Variants in USP24 observed in about 807,000 individuals in gnomAD.
USP24 encodes ubiquitin carboxyl-terminal hydrolase 24.
USP24 carries 97 observed loss-of-function variants against 361.6 expected under a neutral mutation model. That is an observed-to-expected ratio of 0.27 (90% CI 0.23 to 0.32). The LOEUF is 0.32. Among genes scored for constraint, USP24 ranks in the 10% least tolerant of loss-of-function variants. The pLI is 1.00. For synonymous variants in USP24, 1,098 were observed against 1,124.6 expected (o/e 0.98, Z 0.47); for missense variants, 2,353 against 3,165.6 (o/e 0.74, Z 6.16).
In USP24 at chr1:55,125,563, G is replaced by T; in HGVS notation, c.3732-15C>A. ...CAAGTAAAAATCTTAAAAAGAAACA[G>T]CTAGACTTATTCTGAGTCCATTCAT... On this transcript the variant is annotated splice_polypyrimidine_tract_variant and intron_variant, in intron 33 of 67. Coordinates refer to ENST00000294383, the MANE Select transcript of USP24 (RefSeq NM_015306.3). The T allele has an allele frequency of 1.9e-6, 3 of 1,605,402 alleles. No individual in the cohort carries two copies. The highest frequency in any genetic ancestry group is 2.6e-6 in the Non-Finnish European group (3 of 1,174,778).
chr1:55,155,853 G>A (rs1647597883), intron 12 of USP24, among the ~76,000 whole-genome samples: 1 of 152,104 alleles, frequency 6.6e-6, no homozygotes, highest in African/African-American at 2.4e-5. Flanking sequence ...GCACCTCTTT[G>A]ACAGTTCCAG....
At chr1:55,126,600 C>T (rs1646436597) in intron 32 of USP24, among the ~76,000 whole-genome samples, 1 of 152,178 alleles carries the variant, frequency 6.6e-6, no homozygotes, top group South Asian at 2.1e-4. Flanking sequence ...GCCAAATGTT[C>T]AATGTCTTTA....
At chr1:55,142,378 C>T (rs1421344883) in intron 23 of USP24, among the ~76,000 whole-genome samples, 1 of 149,518 alleles carries the variant, frequency 6.7e-6, no homozygotes, top group African/African-American at 2.5e-5. Flanking sequence ...TGAAGAAAAA[C>T]AAAAAAAGAA....
At chr1:55,207,683 T>C (rs983609893) in intron 1 of USP24, among the ~76,000 whole-genome samples, 1 of 152,204 alleles carries the variant, frequency 6.6e-6, no homozygotes, top group African/African-American at 2.4e-5. Context: ...ATGGAAACAC[T>C]AGGGACTTGA....
At chr1:55,105,238 A>C (rs1384484440) in intron 41 of USP24, among the ~76,000 whole-genome samples, 1 of 152,210 alleles carries the variant, frequency 6.6e-6, no homozygotes, top group African/African-American at 2.4e-5. Context: ...CCTAGCACCA[A>C]ATCTTCCAAA....
chr1:55,214,719 CG>C, intron 1 of USP24, 70 bp downstream of exon 1: 1 of 1,107,028 alleles, frequency 9.0e-7, no homozygotes, highest in Non-Finnish European at 1.1e-6. Context: ...CCAAGCCCAG[CG>C]GGGTGTGTCC....
At chr1:55,096,859 A>G (rs1005730851) in intron 49 of USP24, 93 bp downstream of exon 49, 4 of 1,469,210 alleles carry the variant, frequency 2.7e-6, no homozygotes, top group African/African-American at 2.8e-5. Context: ...GAACAATGCC[A>G]AAGTGTCCCT....
At chr1:55,139,255 C>T (rs567945370) in intron 24 of USP24, among the ~76,000 whole-genome samples, 50 of 152,250 alleles carry the variant, frequency 3.3e-4, no homozygotes, top group Admixed American at 9.8e-4. Flanking sequence ...TTTCTTTCTT[C>T]TTTTCATTTC....
At position 55,159,035 on chromosome 1, in the gene USP24, C is replaced by T; in HGVS notation, c.1070G>A (p.Arg357Lys). The T allele has an allele frequency of 6.6e-7, 1 of 1,506,052 alleles. No individual in the cohort carries two copies. Among genetic ancestry groups the T allele is most frequent in the Non-Finnish European group, 8.9e-7 (1 of 1,124,860 alleles). The allele number at this position is 1,506,052 out of a possible 1,614,324, so 93.3% of individuals were successfully genotyped here. A position where few individuals can be genotyped will look rare whatever the true frequency, so the allele number is the denominator to read the frequency against. Reference sequence around the variant, plus strand: ...CAAGAGCTCAGGGATGCTAACCAATCTCTTTTATTGAATAAAAACAAAAAA... The same window carrying T: ...CAAGAGCTCAGGGATGCTAACCAATTTCTTTTATTGAATAAAAACAAAAAA... ...SVEEKDLKDK[R>K]LVSIPELLSA... Residue 357 changes from arginine to lysine, a missense_variant and splice_region_variant, in exon 10 of 68, where the codon AGA becomes AAA. Transcript: ENST00000294383.
chr1:55,116,333 G>T (rs1646114208), intron 38 of USP24, among the ~76,000 whole-genome samples: 1 of 149,996 alleles, frequency 6.7e-6, no homozygotes, highest in Non-Finnish European at 1.5e-5. Context: ...ATAAAGAATG[G>T]CAAAACAATA....
In USP24 at chr1:55,075,438, T is replaced by C. The variant is rs375719506; in HGVS notation, c.7447+19A>G. 1.8e-5 allele frequency: 28 copies of C among 1,589,624 alleles called. No individual in the cohort carries two copies. The highest frequency in any genetic ancestry group is 2.4e-5 in the Non-Finnish European group (28 of 1,166,598). Reference sequence around the variant, plus strand: ...CATATTTACTATAGACATTTGTGCATAAGACCAGGCATACTTGCCTAGTAA... The same window carrying C: ...CATATTTACTATAGACATTTGTGCACAAGACCAGGCATACTTGCCTAGTAA... On this transcript the variant is annotated intron_variant, in intron 63 of 67. Coordinates refer to ENST00000294383, the MANE Select transcript of USP24 (RefSeq NM_015306.3).
At chr1:55,095,513 A>C (rs1198705855) in intron 50 of USP24, 117 bp from the exon 51 acceptor site, 1 of 1,135,850 alleles carries the variant, frequency 8.8e-7, no homozygotes, top group Non-Finnish European at 1.2e-6. Flanking sequence ...AAGTTTGTAA[A>C]ATGCAAAGTA....
chr1:55,110,730 G>A (rs1172364012), intron 38 of USP24, among the ~76,000 whole-genome samples: 4 of 152,122 alleles, frequency 2.6e-5, no homozygotes, highest in African/African-American at 9.6e-5. Context: ...TACAGAGGAT[G>A]ATCAAAGAAG....
In USP24 at chr1:55,197,237, AC is replaced by A. The variant is rs143239510; in HGVS notation, c.324+17552del. Among the ~76,000 whole-genome samples, 264 of 152,068 alleles carry A rather than the reference AC, an allele frequency of 1.7e-3. 11 individuals carry two copies. In the East Asian group the frequency reaches 0.049, roughly 28 times the overall value. On this transcript the variant is annotated intron_variant, in intron 1 of 67. Coordinates refer to ENST00000294383, the MANE Select transcript of USP24 (RefSeq NM_015306.3). ...CTACTCAAAAAGCAGCCCTTATCAT[AC>A]CCCCTACCCACTGCTGTCCAGCATG...
intron 1 of USP24, among the ~76,000 whole-genome samples, chr1:55,188,964 C>CAAAAAAAAGAAAAA: frequency 1.3e-5 from 1 of 74,418 alleles, no homozygotes; most frequent in Non-Finnish European, 2.3e-5. Context: ...AACTCCATCT[C>CAAAAAAAAGAAAAA]AAAAAAAAAA....
chr1:55,153,984 T>C (rs1285718488), intron 15 of USP24, 67 bp from the exon 16 acceptor site: 3 of 1,546,768 alleles, frequency 1.9e-6, no homozygotes, highest in Non-Finnish European at 2.6e-6. Context: ...TTCCCGATCT[T>C]GGACTTTAAG....
intron 16 of USP24, among the ~76,000 whole-genome samples, chr1:55,153,513 T>C (rs1418600380): frequency 6.6e-6 from 1 of 152,158 alleles, no homozygotes; most frequent in Non-Finnish European, 1.5e-5. Context: ...CCATTTCTCC[T>C]TTATGGGAGA....
At chr1:55,107,865 A>AACAC (rs1553150276) in intron 39 of USP24, among the ~76,000 whole-genome samples, 2 of 147,050 alleles carry the variant, frequency 1.4e-5, no homozygotes, top group Admixed American at 6.7e-5. Context: ...AAAAAAAAAA[A>AACAC]ACACACAAAA....
chr1:55,110,961 TGAG>T (rs1028412357), intron 38 of USP24, among the ~76,000 whole-genome samples: 23 of 152,080 alleles, frequency 1.5e-4, no homozygotes, highest in Admixed American at 6.5e-4. Context: ...CACAAACTAA[TGAG>T]GAGAATATAT....
Sources: allele counts gnomAD v4.1 joint callset (sites outside exome capture counted in the v4.1 genomes callset), GRCh38; gene constraint gnomAD v4.1.1; transcripts MANE v1.5; gene names NCBI Gene and HGNC (gene_info 2026-07-23, HGNC 2026-07-21).